Variants in TTC28 observed in about 807,000 individuals in gnomAD.
The protein encoded by TTC28 is tetratricopeptide repeat domain 28.
In TTC28, 61 loss-of-function variants were observed where a neutral mutation model predicts 198.0. The ratio of observed to expected loss-of-function variants is 0.31; its 90% CI spans 0.25 to 0.38. The LOEUF (loss-of-function observed/expected upper bound fraction) is 0.38. Ranked by LOEUF, TTC28 falls within the 10% of genes least tolerant of loss-of-function variation. TTC28 has a pLI of 1.00. For synonymous variants in TTC28, 1,171 were observed against 1,297.8 expected, an observed-to-expected ratio of 0.90 and a Z score of 2.10; for missense variants, 2,678 against 3,164.0, an observed-to-expected ratio of 0.85 and a Z score of 3.69.
intron 2 of TTC28, among the ~76,000 whole-genome samples, chr22:28,558,144 C>T (rs916226871): frequency 5.3e-5 from 8 of 152,204 alleles, no homozygotes; most frequent in African/African-American, 1.9e-4. Context: ...CCTAACTTGT[C>T]TGTTATTCTT....
chr22:28,627,109 AAGAG>A (rs139929670), intron 2 of TTC28, among the ~76,000 whole-genome samples: 2 of 151,982 alleles, frequency 1.3e-5, no homozygotes, highest in African/African-American at 4.8e-5. Flanking sequence ...TACAGGTTTA[AAGAG>A]AGAGAGAGAC....
rs546536231 is a variant in TTC28 at position 27,978,891 on chromosome 22, C to G, written c.*3330G>C. On this transcript the variant is annotated 3_prime_UTR_variant, in exon 23 of 23. Coordinates refer to ENST00000397906, the MANE Select transcript of TTC28 (RefSeq NM_001145418.2). ...ATTGTATTTACATCTGATGGAGTAG[C>G]AGAGGGTGGGGCATGCCAGTTTCCT... 1 of 152,272 alleles carries G rather than the reference C, an allele frequency of 6.6e-6. No homozygotes were observed. Among genetic ancestry groups the G allele is most frequent in the South Asian group, 2.1e-4 (1 of 4,818 alleles). The allele number at this position is 152,272 out of a possible 1,614,324, so 9.4% of individuals were successfully genotyped here.
At chr22:28,460,469 C>G (rs1297849937) in intron 2 of TTC28, among the ~76,000 whole-genome samples, 2 of 152,002 alleles carry the variant, frequency 1.3e-5, no homozygotes, top group Non-Finnish European at 2.9e-5. Context: ...TGAGATAATA[C>G]TTTATGTACA....
chr22:28,099,187 G>C lies in TTC28; in HGVS notation c.3418-143C>G, dbSNP rs1316596309. The C allele has an allele frequency of 8.4e-6, 10 of 1,189,452 alleles. No individual in the cohort carries two copies. The African/African-American group carries it at 1.5e-4, about 18-fold the overall frequency. 73.7% of individuals were successfully genotyped at this position (1,189,452 alleles called of 1,614,324 possible). On this transcript the variant is annotated intron_variant, in intron 9 of 22. Coordinates refer to ENST00000397906, the MANE Select transcript of TTC28 (RefSeq NM_001145418.2). ...TTGAAAGGAAGAGTCTGATGTCCAG[G>C]TGTAAGGAAAAATGGATGTGCTGCG... is the stretch of plus-strand genomic sequence containing the variant.
At chr22:28,630,022 G>C (rs955793287) in intron 1 of TTC28, among the ~76,000 whole-genome samples, 192 bp from the exon 2 acceptor site, 1 of 151,988 alleles carries the variant, frequency 6.6e-6, no homozygotes, top group Non-Finnish European at 1.5e-5. Context: ...CCCTCCCCTG[G>C]GGGTGAGGGA....
chr22:28,086,559 C>A (rs1167308764), intron 12 of TTC28, among the ~76,000 whole-genome samples: 1 of 152,122 alleles, frequency 6.6e-6, no homozygotes, highest in Non-Finnish European at 1.5e-5. Context: ...CAAGAGAAAG[C>A]AGGAAAGATC....
Position 28,014,371 on chromosome 22 carries a change from G to A in TTC28, c.4095C>T (p.Ser1365=). 6.4e-7 allele frequency: 1 copy of A among 1,550,882 alleles called. No individual in the cohort carries two copies. Among genetic ancestry groups the A allele is most frequent in the Non-Finnish European group, 8.7e-7 (1 of 1,146,626 alleles). Residue 1365 remains serine (S), a synonymous_variant, in exon 14 of 23, where the codon AGC becomes AGT. Transcript: ENST00000397906. The part of the protein sequence containing the change: ...LFNRSCQSMT[S]LFSNTVSPTQ... ...TCGGTGACACAGTGTTACTGAACAG[G>A]CTCGTCATGCTCTGGCAGCTCCTGG... is the stretch of plus-strand genomic sequence containing the variant.
At chr22:28,516,529 A>G (rs1385433655) in intron 2 of TTC28, among the ~76,000 whole-genome samples, 3 of 148,720 alleles carry the variant, frequency 2.0e-5, no homozygotes, top group Admixed American at 1.4e-4. Flanking sequence ...CAAACACCGC[A>G]CGTTTTCACT....
At chr22:28,379,623 G>A (rs2046465628) in intron 2 of TTC28, among the ~76,000 whole-genome samples, 1 of 152,118 alleles carries the variant, frequency 6.6e-6, no homozygotes. Flanking sequence ...GAAGTTGAGG[G>A]GAGGGGGAAA....
chr22:28,430,693 T>C (rs2047417484), intron 2 of TTC28, among the ~76,000 whole-genome samples: 1 of 152,146 alleles, frequency 6.6e-6, no homozygotes, highest in Admixed American at 6.5e-5. Flanking sequence ...ATCCCATCAT[T>C]TGCAGCCTAC....
At chr22:28,072,575 CACAGCAGGTATCCTCCACTTCA>C (rs1341533415) in intron 12 of TTC28, among the ~76,000 whole-genome samples, 1 of 152,164 alleles carries the variant, frequency 6.6e-6, no homozygotes, top group Non-Finnish European at 1.5e-5. Flanking sequence ...GGGTCAGCTC[CACAGCAGGTATCCTCCACTTCA>C]ACCAGTTTGG....
At chr22:28,552,479 T>C (rs1187112838) in intron 2 of TTC28, among the ~76,000 whole-genome samples, 2 of 152,248 alleles carry the variant, frequency 1.3e-5, no homozygotes, top group East Asian at 1.9e-4. Context: ...CTTCAAAGTA[T>C]ACTATAAGGC....
At chr22:28,630,043 TATTATTTCC>T (rs1335550689) in intron 1 of TTC28, among the ~76,000 whole-genome samples, 1 of 152,042 alleles carries the variant, frequency 6.6e-6, no homozygotes, top group Non-Finnish European at 1.5e-5. Flanking sequence ...ATTCTTACTC[TATTATTTCC>T]AGTGAGAGCC....
chr22:28,101,716 CAGG>C (rs1402547136), intron 8 of TTC28, among the ~76,000 whole-genome samples: 1 of 133,850 alleles, frequency 7.5e-6, no homozygotes, highest in African/African-American at 2.9e-5. Context: ...GAGGCTGAGG[CAGG>C]AGGACTGCTT....
chr22:28,636,603 G>A (rs973344940), intron 1 of TTC28, among the ~76,000 whole-genome samples: 9 of 152,052 alleles, frequency 5.9e-5, no homozygotes, highest in Non-Finnish European at 8.8e-5. Context: ...TCCAGAAGTG[G>A]GATTGCTGGA....
chr22:28,669,302 T>TAA (rs368983463), intron 1 of TTC28, among the ~76,000 whole-genome samples: 32 of 117,372 alleles, frequency 2.7e-4, no homozygotes, highest in African/African-American at 4.7e-4. Flanking sequence ...TAGAGTATAA[T>TAA]AAAAAAAAAA....
intron 12 of TTC28, among the ~76,000 whole-genome samples, chr22:28,075,755 C>T (rs1941146454): frequency 6.6e-6 from 1 of 152,224 alleles, no homozygotes; most frequent in African/African-American, 2.4e-5. Flanking sequence ...TCCCCTCACC[C>T]TTTAGGGCCC....
At position 27,983,455 on chromosome 22, in the gene TTC28, T is replaced by C; in HGVS notation, c.6212A>G (p.Gln2071Arg). Residue 2071 changes from glutamine to arginine, a missense_variant, in exon 23 of 23, where the codon CAA becomes CGA. Gln to Arg is a conservative substitution (Grantham distance 43). Transcript: ENST00000397906. ...TGAGAAGCATGTGTTTCGGTTTTCT[T>C]GGTAGGTCGCCAAGGGCTCGTTACT... ...IISNEPLATY[Q>R]ENRNTCFSPD... 1 of 1,545,902 alleles carries C rather than the reference T, an allele frequency of 6.5e-7. No individual in the cohort carries two copies. Among genetic ancestry groups the C allele is most frequent in the African/African-American group, 1.4e-5 (1 of 72,470 alleles).
intron 2 of TTC28, among the ~76,000 whole-genome samples, chr22:28,486,501 T>C (rs2048316867): frequency 6.6e-6 from 1 of 151,654 alleles, no homozygotes; most frequent in Non-Finnish European, 1.5e-5. Flanking sequence ...AGTGGGGGGG[T>C]GATATCCTTA....
Sources: allele counts gnomAD v4.1 joint callset (sites outside exome capture counted in the v4.1 genomes callset), GRCh38; gene constraint gnomAD v4.1.1; transcripts MANE v1.5; gene names NCBI Gene and HGNC (gene_info 2026-07-23, HGNC 2026-07-21).